PAIP1: variants seen among roughly 807,000 people sequenced by gnomAD.
PAIP1 encodes poly(A) binding protein interacting protein 1.
Under a neutral mutation model 61.3 loss-of-function variants are expected in PAIP1, and 16 were observed. That is an observed-to-expected ratio of 0.26 (90% CI 0.18 to 0.40). PAIP1 has a LOEUF of 0.40. PAIP1 is among the 10% of genes least tolerant of loss of function. The probability of loss-of-function intolerance (pLI) is 1.00; values close to 1 mark genes in which losing one functional copy is unlikely to be tolerated. For missense variants in PAIP1, 416 were observed against 600.9 expected, an observed-to-expected ratio of 0.69 and a Z score of 3.22; for synonymous variants, 187 against 226.2, an observed-to-expected ratio of 0.83 and a Z score of 1.56.
chr5:43,539,470 C>T (rs1747306770), intron 4 of PAIP1, among the ~76,000 whole-genome samples: 1 of 151,742 alleles, frequency 6.6e-6, no homozygotes, highest in Non-Finnish European at 1.5e-5. Flanking sequence ...CACACACACA[C>T]ACACACACAC....
At chr5:43,528,880 A>C (rs144218791) in intron 10 of PAIP1, among the ~76,000 whole-genome samples, 1 of 152,196 alleles carries the variant, frequency 6.6e-6, no homozygotes, top group Non-Finnish European at 1.5e-5. Context: ...TGGTCCTTCT[A>C]TAAGAAAATG....
At position 43,556,849 on chromosome 5, in the gene PAIP1, T is replaced by C; in HGVS notation, c.-3A>G. On this transcript the variant is annotated 5_prime_UTR_variant, in exon 1 of 11. Coordinates refer to ENST00000306846, the MANE Select transcript of PAIP1 (RefSeq NM_006451.5). ...GCCCGATCGAAACCGTCCGACATGC[T>C]CCTCCTCCTCCGCCTCCTCCTCCAG... 1 of 1,422,616 alleles carries C rather than the reference T, an allele frequency of 7.0e-7. No individual in the cohort carries two copies. 88.1% of individuals were successfully genotyped at this position (1,422,616 alleles called of 1,614,324 possible).
intron 4 of PAIP1, among the ~76,000 whole-genome samples, chr5:43,541,896 G>C (rs958053322): frequency 2.6e-5 from 4 of 152,082 alleles, no homozygotes; most frequent in East Asian, 1.9e-4. Context: ...TATTTGACAG[G>C]CTGGGCGTGG....
At position 43,526,946 on chromosome 5, in the gene PAIP1, G is replaced by C. The variant is rs1746733769; in HGVS notation, c.*430C>G. 6.6e-6 allele frequency: 1 copy of C among 151,556 alleles called. No individual in the cohort carries two copies. The highest frequency in any genetic ancestry group is 1.5e-5 in the Non-Finnish European group (1 of 67,756). The allele number at this position is 151,556 out of a possible 1,614,324, so 9.4% of individuals were successfully genotyped here. On this transcript the variant is annotated 3_prime_UTR_variant, in exon 11 of 11. Transcript: ENST00000306846. ...TCATATTTGAAATTCAATTCATTGGGACACTAAATGTCAAACTAAAATGAA... is the reference window on the plus strand; with the variant it reads ...TCATATTTGAAATTCAATTCATTGGCACACTAAATGTCAAACTAAAATGAA...
At chr5:43,529,694 A>G (rs2112373673) in intron 10 of PAIP1, 92 bp downstream of exon 10, 1 of 785,038 alleles carries the variant, frequency 1.3e-6, no homozygotes, top group African/African-American at 1.7e-5. Context: ...GCCTGGCCCC[A>G]AACACCATTC....
rs1036939080 is a variant in PAIP1, at chr5:43,526,623, C to T, written c.*753G>A. On this transcript the variant is annotated 3_prime_UTR_variant, in exon 11 of 11. Coordinates refer to ENST00000306846, the MANE Select transcript of PAIP1 (RefSeq NM_006451.5). ...TAGTAAAATTCTCTAGTAAAAAAGT[C>T]GATGCAACCCATGCTACAAAATAAA... The T allele has an allele frequency of 7.1e-6, 1 of 141,152 alleles. No homozygotes were observed. The highest frequency in any genetic ancestry group is 1.5e-5 in the Non-Finnish European group (1 of 64,736). 8.7% of individuals were successfully genotyped at this position (141,152 alleles called of 1,614,324 possible). A position where few individuals can be genotyped will look rare whatever the true frequency, so the allele number is the denominator to read the frequency against.
Position 43,547,785 on chromosome 5 carries a change from A to G in PAIP1, c.564T>C (p.Asn188=). 1 of 1,612,228 alleles carries G rather than the reference A, an allele frequency of 6.2e-7. No individual in the cohort carries two copies. The highest frequency in any genetic ancestry group is 1.1e-5 in the South Asian group (1 of 90,968). ...AAGCATCATCTGTTGTAACACAACC[A>G]TTCAGGGTCTCTGCAAACTGTTCAA... is the stretch of plus-strand genomic sequence containing the variant. ...TEIEQFAETL[N]GCVTTDDALQ... Residue 188 remains asparagine (N), a synonymous_variant, in exon 3 of 11, where the codon AAT becomes AAC. Coordinates refer to ENST00000306846, the MANE Select transcript of PAIP1 (RefSeq NM_006451.5).
chr5:43,540,505 T>G (rs949031828), intron 4 of PAIP1, among the ~76,000 whole-genome samples: 1 of 152,224 alleles, frequency 6.6e-6, no homozygotes, highest in Non-Finnish European at 1.5e-5. Context: ...CTAAAGATTT[T>G]CAATTATAAA....
chr5:43,529,090 G>A (rs564878694), intron 10 of PAIP1, among the ~76,000 whole-genome samples: 5 of 145,728 alleles, frequency 3.4e-5, no homozygotes, highest in Admixed American at 2.1e-4. Context: ...ACTGTGTGCC[G>A]GAAGGCTAAG....
At chr5:43,541,698 T>C (rs1434801628) in intron 4 of PAIP1, among the ~76,000 whole-genome samples, 1 of 148,556 alleles carries the variant, frequency 6.7e-6, no homozygotes, top group Admixed American at 6.7e-5. Context: ...AAAAAACTAA[T>C]GGACGAACTA....
At chr5:43,549,453 C>T (rs1023065613) in intron 2 of PAIP1, among the ~76,000 whole-genome samples, 8 of 151,680 alleles carry the variant, frequency 5.3e-5, no homozygotes, top group South Asian at 2.1e-4. Context: ...ATACGTCTCA[C>T]GAGATCTGAT....
In PAIP1 at chr5:43,556,854, C is replaced by T; in HGVS notation, c.-8G>A. 2 of 1,408,828 alleles carry T rather than the reference C, an allele frequency of 1.4e-6. No individual in the cohort carries two copies. The highest frequency in any genetic ancestry group is 1.8e-6 in the Non-Finnish European group (2 of 1,085,434). The allele number at this position is 1,408,828 out of a possible 1,614,324, so 87.3% of individuals were successfully genotyped here. A position where few individuals can be genotyped will look rare whatever the true frequency, so the allele number is the denominator to read the frequency against. ...ATCGAAACCGTCCGACATGCTCCTCCTCCTCCGCCTCCTCCTCCAGGGGCC... is the reference window on the plus strand; with the variant it reads ...ATCGAAACCGTCCGACATGCTCCTCTTCCTCCGCCTCCTCCTCCAGGGGCC... On this transcript the variant is annotated 5_prime_UTR_variant, in exon 1 of 11. Transcript: ENST00000306846.
intron 9 of PAIP1, 64 bp from the exon 10 acceptor site, chr5:43,529,943 C>G: frequency 1.3e-6 from 1 of 786,368 alleles, no homozygotes; most frequent in Admixed American, 1.9e-5. Context: ...GACCAATCAC[C>G]CCTAAATGTT....
intron 9 of PAIP1, among the ~76,000 whole-genome samples, chr5:43,530,920 G>A (rs535317570): frequency 1.3e-5 from 2 of 152,192 alleles, no homozygotes; most frequent in East Asian, 3.9e-4. Flanking sequence ...GGCCCCATGT[G>A]AAACAGGAAA....
chr5:43,547,669 C>T, intron 3 of PAIP1, 59 bp downstream of exon 3: 2 of 1,082,452 alleles, frequency 1.8e-6, no homozygotes, highest in Admixed American at 2.2e-5. Context: ...GGAGTAGCCA[C>T]TATCCTTGGG....
rs986003174 is a variant in PAIP1 at position 43,556,075 on chromosome 5, A to G, written c.266-76T>C. ...GCAACTTGCTATATACTGAAAAACC[A>G]TCTGAAAAGCGTCTGTTTTTAAGAG... On this transcript the variant is annotated intron_variant, in intron 1 of 10. Transcript: ENST00000306846. The G allele has an allele frequency of 1.4e-5, 21 of 1,511,582 alleles. No homozygotes were observed. In the Admixed American group the frequency reaches 4.6e-4, roughly 33 times the overall value. 93.6% of individuals were successfully genotyped at this position (1,511,582 alleles called of 1,614,324 possible). A position where few individuals can be genotyped will look rare whatever the true frequency, so the allele number is the denominator to read the frequency against.
intron 6 of PAIP1, among the ~76,000 whole-genome samples, chr5:43,536,488 A>G (rs939275641): frequency 1.3e-5 from 2 of 152,280 alleles, no homozygotes; most frequent in South Asian, 2.1e-4. Context: ...AAAATCTAAG[A>G]TGTTTCATTA....
chr5:43,529,101 T>G (rs532127284), intron 10 of PAIP1, among the ~76,000 whole-genome samples: 1 of 147,108 alleles, frequency 6.8e-6, no homozygotes, highest in Non-Finnish European at 1.5e-5. Context: ...GAAGGCTAAG[T>G]ATTTATGTAT....
At chr5:43,540,192 A>G (rs1271779982) in intron 4 of PAIP1, among the ~76,000 whole-genome samples, 1 of 152,224 alleles carries the variant, frequency 6.6e-6, no homozygotes, top group Admixed American at 6.5e-5. Flanking sequence ...TCTTCTGTTT[A>G]AGTCAAATGT....
Sources: allele counts gnomAD v4.1 joint callset (sites outside exome capture counted in the v4.1 genomes callset), GRCh38; gene constraint gnomAD v4.1.1; transcripts MANE v1.5; gene names NCBI Gene and HGNC (gene_info 2026-07-23, HGNC 2026-07-21).